The following LOXHD1 variants were observed in gnomAD, a reference collection of about 807,000 sequenced individuals.
LOXHD1 encodes lipoxygenase homology domain-containing protein 1.
LOXHD1 carries 205 observed loss-of-function variants against 248.2 expected under a neutral mutation model. The ratio of observed to expected loss-of-function variants is 0.83; its 90% CI spans 0.74 to 0.93. LOXHD1 has a LOEUF of 0.93. Ranked by LOEUF, LOXHD1 falls within the 40% of genes least tolerant of loss-of-function variation. LOXHD1 has a pLI of 0.00. For synonymous variants in LOXHD1, 1,113 were observed against 1,162.8 expected, an observed-to-expected ratio of 0.96 and a Z score of 0.87; for missense variants, 2,930 against 2,971.6, an observed-to-expected ratio of 0.99 and a Z score of 0.33.
intron 4 of LOXHD1, among the ~76,000 whole-genome samples, chr18:46,626,962 G>T (rs952517368): frequency 1.3e-5 from 2 of 152,170 alleles, no homozygotes; most frequent in African/African-American, 4.8e-5. Context: ...CAGCCATTGA[G>T]TAAGTGCTGC....
intron 20 of LOXHD1, 142 bp downstream of exon 20, chr18:46,559,306 A>G (rs776772634): frequency 2.6e-6 from 4 of 1,544,980 alleles, no homozygotes; most frequent in South Asian, 1.2e-5. Flanking sequence ...GTTACTGAAG[A>G]GGTACTGCCA....
intron 2 of LOXHD1, 96 bp downstream of exon 2, chr18:46,649,059 G>T: frequency 1.0e-6 from 1 of 958,708 alleles, no homozygotes; most frequent in Non-Finnish European, 1.6e-6. Context: ...GGTCAGATGT[G>T]CCTTCTCCCC....
chr18:46,508,636 T>C (rs531734839), intron 35 of LOXHD1, among the ~76,000 whole-genome samples: 2 of 152,366 alleles, frequency 1.3e-5, no homozygotes, highest in South Asian at 4.1e-4. Flanking sequence ...CCTGAGACTA[T>C]AACATACATT....
intron 7 of LOXHD1, 110 bp downstream of exon 7, chr18:46,603,996 A>C (rs2038376367): frequency 7.0e-7 from 1 of 1,418,742 alleles, no homozygotes; most frequent in African/African-American, 1.4e-5. Context: ...CTGTCTGCAG[A>C]CCCAGCTGGC....
At chr18:46,519,140 C>G in intron 33 of LOXHD1, 1 of 965,828 alleles carries the variant, frequency 1.0e-6, no homozygotes, top group Non-Finnish European at 1.2e-6. Context: ...TCTTTGGTCC[C>G]AGATTCTTAC....
chr18:46,556,801 C>G (rs371149953), intron 21 of LOXHD1: 61 of 195,026 alleles, frequency 3.1e-4, no homozygotes, highest in African/African-American at 1.3e-3. Context: ...AGCCAGCCCA[C>G]CCTCACCCTC....
chr18:46,606,922 T>C (rs916012756), intron 6 of LOXHD1, among the ~76,000 whole-genome samples: 2 of 152,066 alleles, frequency 1.3e-5, no homozygotes, highest in African/African-American at 4.8e-5. Context: ...ACACAGCACT[T>C]TCAGAGGTCG....
intron 37 of LOXHD1, among the ~76,000 whole-genome samples, chr18:46,500,884 T>C (rs2034184068): frequency 6.6e-6 from 1 of 152,212 alleles, no homozygotes; most frequent in East Asian, 1.9e-4. Flanking sequence ...GCTACTCTTA[T>C]TCATTCCTGA....
At chr18:46,605,193 A>G (rs2038394222) in intron 6 of LOXHD1, among the ~76,000 whole-genome samples, 2 of 152,202 alleles carry the variant, frequency 1.3e-5, no homozygotes, top group Non-Finnish European at 2.9e-5. Flanking sequence ...TCTGCTTTAC[A>G]TTATTCCTGC....
At chr18:46,490,335 C>T (rs557047195) in intron 37 of LOXHD1, among the ~76,000 whole-genome samples, 5 of 152,312 alleles carry the variant, frequency 3.3e-5, no homozygotes, top group South Asian at 4.1e-4. Context: ...TACACATTGG[C>T]GGTCCTGGTA....
chr18:46,595,175 C>T (rs568039999), intron 8 of LOXHD1, among the ~76,000 whole-genome samples: 4 of 152,324 alleles, frequency 2.6e-5, no homozygotes, highest in African/African-American at 9.6e-5. Flanking sequence ...GTCTACTGTT[C>T]ATAGTGACAA....
At chr18:46,640,793 A>G (rs1219198010) in intron 3 of LOXHD1, among the ~76,000 whole-genome samples, 1 of 152,132 alleles carries the variant, frequency 6.6e-6, no homozygotes, top group Admixed American at 6.5e-5. Flanking sequence ...ATCTGTCCCT[A>G]AAATCTTCTA....
rs888422029 is a variant in LOXHD1, at chr18:46,597,809, C to T, written c.1135-3343G>A. On this transcript the variant is annotated intron_variant, in intron 8 of 40. Coordinates refer to ENST00000642948, the MANE Select transcript of LOXHD1 (RefSeq NM_001384474.1). The stretch of plus-strand genomic sequence containing the variant: ...TCTCGCTCTGTTGCCCAGGCTGGAG[C>T]GCAGTGGCGCAATCTCAGCGCACTG... Among the ~76,000 whole-genome samples the T allele has an allele frequency of 1.9e-4, 29 of 151,100 alleles. 1 individual carries two copies. Among genetic ancestry groups the T allele is most frequent in the Admixed American group, 1.3e-3 (20 of 15,160 alleles).
At chr18:46,607,578 G>GT (rs2038437205) in intron 6 of LOXHD1, among the ~76,000 whole-genome samples, 1 of 151,332 alleles carries the variant, frequency 6.6e-6, no homozygotes, top group African/African-American at 2.4e-5. Context: ...AATTATGAGT[G>GT]GTTTTTTTTG....
chr18:46,506,350 A>C (rs1487539323), intron 36 of LOXHD1, among the ~76,000 whole-genome samples: 1 of 152,234 alleles, frequency 6.6e-6, no homozygotes, highest in Non-Finnish European at 1.5e-5. Flanking sequence ...CTGGCTTTAC[A>C]GTTTAGAAAC....
intron 29 of LOXHD1, among the ~76,000 whole-genome samples, chr18:46,527,124 C>T (rs577764295): frequency 6.7e-6 from 1 of 149,916 alleles, no homozygotes; most frequent in South Asian, 2.1e-4. Flanking sequence ...ATAACAATTG[C>T]TGAGAGAGAG....
At chr18:46,619,102 C>T (rs532990037) in intron 4 of LOXHD1, among the ~76,000 whole-genome samples, 1 of 152,276 alleles carries the variant, frequency 6.6e-6, no homozygotes, top group South Asian at 2.1e-4. Flanking sequence ...TATTTGTGGT[C>T]AAGGGAAGGG....
rs546426989 is a variant in LOXHD1, at chr18:46,542,786, G to C, written c.3689C>G (p.Thr1230Arg). The change falls in exon 24 of 41, where the codon ACG (threonine) becomes AGG (arginine). Residue 1230 changes from threonine to arginine, a missense_variant. Thr to Arg is a moderately conservative substitution (Grantham distance 71). Transcript: ENST00000642948. ...KFERDSIEIFTVETLDLGDLW... is the reference protein window; with the variant it reads ...KFERDSIEIFRVETLDLGDLW... Reference sequence around the variant, plus strand: ...GTCTCCCAGATCCAGCGTCTCCACCGTGAAGATTTCAATGCTGTCCCTCTC... The same window carrying C: ...GTCTCCCAGATCCAGCGTCTCCACCCTGAAGATTTCAATGCTGTCCCTCTC... 94 of 1,551,572 alleles carry C rather than the reference G, an allele frequency of 6.1e-5. No individual in the cohort carries two copies. Among genetic ancestry groups the C allele is most frequent in the Non-Finnish European group, 7.7e-5 (88 of 1,147,008 alleles).
chr18:46,624,110 T>C (rs11662257), intron 4 of LOXHD1, among the ~76,000 whole-genome samples: 12,555 of 152,254 alleles, frequency 0.082, 578 homozygotes, highest in East Asian at 0.14. Flanking sequence ...TTAAATAGAA[T>C]GTGGCTTTAG....
Sources: allele counts gnomAD v4.1 joint callset (sites outside exome capture counted in the v4.1 genomes callset), GRCh38; gene constraint gnomAD v4.1.1; transcripts MANE v1.5; gene names NCBI Gene and HGNC (gene_info 2026-07-23, HGNC 2026-07-21).